Variants in CDC14B observed in about 807,000 individuals in gnomAD.
CDC14B encodes cell division cycle 14B.
CDC14B carries 22 observed loss-of-function variants against 64.2 expected under a neutral mutation model. The observed-to-expected ratio is 0.34, with a 90% CI of 0.24 to 0.49. The LOEUF is 0.49. Ranked by LOEUF, CDC14B falls within the 20% of genes least tolerant of loss-of-function variation. CDC14B has a pLI of 0.99. For missense variants in CDC14B, 498 were observed against 629.9 expected, an observed-to-expected ratio of 0.79 and a Z score of 2.24; for synonymous variants, 191 against 215.8, an observed-to-expected ratio of 0.89 and a Z score of 1.01.
At chr9:96,609,576 T>C (rs1013267993) in intron 1 of CDC14B, among the ~76,000 whole-genome samples, 2 of 152,140 alleles carry the variant, frequency 1.3e-5, no homozygotes, top group Admixed American at 6.5e-5. Flanking sequence ...CATATAAATA[T>C]AGATAATAAA....
At chr9:96,579,046 G>C (rs905289130) in intron 1 of CDC14B, among the ~76,000 whole-genome samples, 23 of 151,964 alleles carry the variant, frequency 1.5e-4, no homozygotes, top group Non-Finnish European at 2.9e-4. Flanking sequence ...TCGAACTCTT[G>C]ACTTCAGGTG....
chr9:96,552,227 C>T (rs1488359663), intron 4 of CDC14B, among the ~76,000 whole-genome samples: 3 of 152,102 alleles, frequency 2.0e-5, no homozygotes, highest in African/African-American at 4.8e-5. Flanking sequence ...AGCTAAGCAG[C>T]GTGTAGGAGA....
rs1430426585 is a variant in CDC14B at position 96,502,786 on chromosome 9, C to T, written c.*967G>A. 1.0e-5 allele frequency: 4 copies of T among 398,032 alleles called. No individual in the cohort carries two copies. In the East Asian group the frequency reaches 1.4e-4, roughly 14 times the overall value. 24.7% of individuals were successfully genotyped at this position (398,032 alleles called of 1,614,324 possible). ...CTGAGATCGCAGGCCACGTCAATGG[C>T]CTTAGGTGGATCTCATAAGGGAAAA... On this transcript the variant is annotated 3_prime_UTR_variant, in exon 14 of 14. Coordinates refer to ENST00000375241, the MANE Select transcript of CDC14B (RefSeq NM_033331.4).
chr9:96,551,677 T>G lies in CDC14B; in HGVS notation c.497+119A>C, dbSNP rs1252836324. The stretch of plus-strand genomic sequence containing the variant: ...TGTGGAAAAACCCAGATCTGTGGTG[T>G]TATTTGCGCTCATCCTAAAATGACT... On this transcript the variant is annotated intron_variant, in intron 5 of 13. Coordinates refer to ENST00000375241, the MANE Select transcript of CDC14B (RefSeq NM_033331.4). 8 of 1,371,488 alleles carry G rather than the reference T, an allele frequency of 5.8e-6. No homozygotes were observed. In the East Asian group the frequency reaches 2.0e-4, roughly 33 times the overall value. The allele number at this position is 1,371,488 out of a possible 1,614,324, so 85.0% of individuals were successfully genotyped here.
intron 1 of CDC14B, among the ~76,000 whole-genome samples, chr9:96,582,662 T>TA (rs35125111): frequency 6.6e-6 from 1 of 152,280 alleles, no homozygotes; most frequent in Non-Finnish European, 1.5e-5. Flanking sequence ...AAGGCCTTAC[T>TA]AAAAAAATTA....
intron 1 of CDC14B, among the ~76,000 whole-genome samples, chr9:96,593,966 G>A (rs1176672158): frequency 2.6e-5 from 4 of 152,228 alleles, no homozygotes; most frequent in South Asian, 4.1e-4. Context: ...ATATTTAGAC[G>A]TAAGAAAATA....
chr9:96,535,202 G>C (rs1839106943), intron 7 of CDC14B, among the ~76,000 whole-genome samples: 1 of 152,200 alleles, frequency 6.6e-6, no homozygotes, highest in Admixed American at 6.5e-5. Context: ...AGCTACTCGG[G>C]AGGCTGAGGC....
rs956741621 is a variant in CDC14B at position 96,551,358 on chromosome 9, G to A, written c.497+438C>T. Among the ~76,000 whole-genome samples, 53 of 152,008 alleles carry A rather than the reference G, an allele frequency of 3.5e-4. 1 individual carries two copies. The highest frequency in any genetic ancestry group is 6.8e-3 in the Middle Eastern group (2 of 294). Reference sequence around the variant, plus strand: ...GCTGGTCTGGAACTCCTGGGCTCACGCAATCATTCCACCTTGGCATTCCAA... The same window carrying A: ...GCTGGTCTGGAACTCCTGGGCTCACACAATCATTCCACCTTGGCATTCCAA... On this transcript the variant is annotated intron_variant, in intron 5 of 13. Transcript: ENST00000375241.
At chr9:96,535,076 G>A (rs1370937218) in intron 7 of CDC14B, among the ~76,000 whole-genome samples, 2 of 152,096 alleles carry the variant, frequency 1.3e-5, no homozygotes, top group African/African-American at 4.8e-5. Flanking sequence ...TATTTAATAA[G>A]GCAACCAATT....
intron 6 of CDC14B, among the ~76,000 whole-genome samples, chr9:96,540,703 G>A (rs540383724): frequency 1.3e-5 from 2 of 151,956 alleles, no homozygotes; most frequent in African/African-American, 2.4e-5. Context: ...CTTTTTAAAG[G>A]TGAGTGTGCC....
intron 12 of CDC14B, among the ~76,000 whole-genome samples, chr9:96,510,439 A>C (rs1388757296): frequency 2.6e-5 from 4 of 152,156 alleles, no homozygotes; most frequent in African/African-American, 4.8e-5. Flanking sequence ...ATATGAGAGT[A>C]GGCTGCCCAG....
At chr9:96,594,714 C>CAAAAAAAAAAAAAAAAA (rs11414625) in intron 1 of CDC14B, among the ~76,000 whole-genome samples, 1 of 42,418 alleles carries the variant, frequency 2.4e-5, no homozygotes, top group African/African-American at 9.0e-5. Context: ...AAGGCTGTCT[C>CAAAAAAAAAAAAAAAAA]AAAAAAAAAA....
chr9:96,606,527 TTGTG>T (rs376059971), intron 1 of CDC14B, among the ~76,000 whole-genome samples: 6,655 of 112,722 alleles, frequency 0.059, 239 homozygotes, highest in African/African-American at 0.12. Context: ...TACTAAAAGT[TTGTG>T]TGTGTGTGTG....
At chr9:96,617,311 T>C (rs1847693259) in intron 1 of CDC14B, among the ~76,000 whole-genome samples, 1 of 151,910 alleles carries the variant, frequency 6.6e-6, no homozygotes, top group Admixed American at 6.6e-5. Flanking sequence ...AGCCACATAT[T>C]TCATCTCCAT....
chr9:96,564,833 G>A lies in CDC14B; in HGVS notation c.271C>T (p.Pro91Ser), dbSNP rs750061401. The stretch of plus-strand genomic sequence containing the variant: ...CTGTAAACCATTGCCAGATTGAGTG[G>A]TCCAAAATCTGCGTAGAAGCTTTAA... ...EYENFYADFG[P>S]LNLAMVYRYC... Residue 91 changes from proline to serine, a missense_variant, in exon 3 of 14, where the codon CCA becomes TCA. By Grantham distance (74) the Pro-to-Ser change is moderately conservative (BLOSUM62 -1). Coordinates refer to ENST00000375241, the MANE Select transcript of CDC14B (RefSeq NM_033331.4). 6.2e-7 allele frequency: 1 copy of A among 1,602,466 alleles called. No homozygotes were observed. The highest frequency in any genetic ancestry group is 8.5e-7 in the Non-Finnish European group (1 of 1,173,648).
chr9:96,548,752 G>A (rs928300512), intron 5 of CDC14B, among the ~76,000 whole-genome samples: 65 of 151,316 alleles, frequency 4.3e-4, no homozygotes, highest in Admixed American at 7.3e-4. Flanking sequence ...AGTGAGCCAA[G>A]ATTGCGCCAC....
downstream of CDC14B, among the ~76,000 whole-genome samples, chr9:96,496,740 C>T (rs868184033): frequency 6.6e-6 from 1 of 152,372 alleles, no homozygotes; most frequent in East Asian, 1.9e-4. Flanking sequence ...GACCCGCTCC[C>T]GGGGAGCCCG....
At chr9:96,561,803 T>C (rs937362211) in intron 4 of CDC14B, among the ~76,000 whole-genome samples, 3 of 152,022 alleles carry the variant, frequency 2.0e-5, no homozygotes, top group Non-Finnish European at 4.4e-5. Flanking sequence ...ACCCTTTTTT[T>C]CAAGTCTCAG....
chr9:96,511,361 A>G (rs1389450111), intron 12 of CDC14B, among the ~76,000 whole-genome samples: 1 of 152,204 alleles, frequency 6.6e-6, no homozygotes, highest in Non-Finnish European at 1.5e-5. Flanking sequence ...TCACGAGGTC[A>G]GGAGTTCAAG....
Sources: allele counts gnomAD v4.1 joint callset (sites outside exome capture counted in the v4.1 genomes callset), GRCh38; gene constraint gnomAD v4.1.1; transcripts MANE v1.5; gene names NCBI Gene and HGNC (gene_info 2026-07-23, HGNC 2026-07-21).